DLGAP2: variants seen among roughly 807,000 people sequenced by gnomAD.
The protein encoded by DLGAP2 is DLG associated protein 2, also known as disks large-associated protein 2.
Under a neutral mutation model 100.3 loss-of-function variants are expected in DLGAP2, and 26 were observed. The observed-to-expected ratio is 0.26, with a 90% CI of 0.19 to 0.36. The LOEUF (loss-of-function observed/expected upper bound fraction) is 0.36. DLGAP2 is among the 10% of genes least tolerant of loss of function. The probability of loss-of-function intolerance (pLI) is 1.00; values close to 1 mark genes in which losing one functional copy is unlikely to be tolerated. For missense variants in DLGAP2, 1,858 were observed against 1,453.2 expected (o/e 1.28, Z -4.53); for synonymous variants, 886 against 630.1 (o/e 1.41, Z -6.08).
chr8:1,410,512 C>A (rs1166429942), intron 3 of DLGAP2, among the ~76,000 whole-genome samples: 1 of 152,232 alleles, frequency 6.6e-6, no homozygotes, highest in African/African-American at 2.4e-5. Flanking sequence ...AGGCTTCCTG[C>A]AGGGGTCCAT....
chr8:1,181,714 G>A (rs17065737), intron 2 of DLGAP2, among the ~76,000 whole-genome samples: 11,983 of 152,144 alleles, frequency 0.079, 1,395 homozygotes, highest in African/African-American at 0.25. Context: ...CAAACGATGG[G>A]AAGAATGTAA....
chr8:1,162,047 C>G, intron 2 of DLGAP2, among the ~76,000 whole-genome samples: 1 of 152,122 alleles, frequency 6.6e-6, no homozygotes, highest in Middle Eastern at 3.4e-3. Context: ...GAGGGGAGCC[C>G]GGAGCCTGCG....
intron 1 of DLGAP2, among the ~76,000 whole-genome samples, chr8:770,873 C>CT (rs33945325): frequency 0.17 from 25,256 of 147,814 alleles, 2,201 homozygotes; most frequent in Non-Finnish European, 0.19. Context: ...AATTATGCCT[C>CT]TTTTTTTTTT....
intron 3 of DLGAP2, among the ~76,000 whole-genome samples, chr8:1,483,791 G>A (rs1287713530): frequency 6.6e-6 from 1 of 151,694 alleles, no homozygotes; most frequent in African/African-American, 2.4e-5. Context: ...GAGGCAGGCA[G>A]GGCTGCCAGG....
At chr8:1,451,608 T>A (rs572690011) in intron 3 of DLGAP2, among the ~76,000 whole-genome samples, 28 of 152,126 alleles carry the variant, frequency 1.8e-4, no homozygotes, top group African/African-American at 6.7e-4. Context: ...ACATGTCCCC[T>A]CCTGGCTTCC....
At chr8:1,530,754 C>T (rs1179351221) in intron 4 of DLGAP2, among the ~76,000 whole-genome samples, 2 of 152,188 alleles carry the variant, frequency 1.3e-5, no homozygotes, top group Admixed American at 6.5e-5. Context: ...TCAGCCAGTC[C>T]CTCCGTCTGG....
intron 6 of DLGAP2, among the ~76,000 whole-genome samples, chr8:1,624,668 A>C (rs1351997149): frequency 6.6e-6 from 1 of 151,970 alleles, no homozygotes; most frequent in Non-Finnish European, 1.5e-5. Context: ...GGGGATCCAC[A>C]GAGGAGGGGA....
chr8:960,849 C>T (rs1224347573), intron 2 of DLGAP2, among the ~76,000 whole-genome samples: 1 of 152,206 alleles, frequency 6.6e-6, no homozygotes, highest in Admixed American at 6.5e-5. Context: ...CCAAATGCTT[C>T]TTGACTTACG....
chr8:1,482,594 G>A (rs1437967403), intron 3 of DLGAP2, among the ~76,000 whole-genome samples: 2 of 152,246 alleles, frequency 1.3e-5, no homozygotes, highest in South Asian at 4.1e-4. Flanking sequence ...GCTCGCTCTC[G>A]TGGGCCACGG....
At chr8:1,486,754 A>G (rs1584947798) in intron 3 of DLGAP2, among the ~76,000 whole-genome samples, 1 of 152,232 alleles carries the variant, frequency 6.6e-6, no homozygotes. Flanking sequence ...GCTGAAGGCA[A>G]ATATACTGCC....
At chr8:1,299,875 C>T (rs1001762534) in intron 3 of DLGAP2, 8 of 152,186 alleles carry the variant, frequency 5.3e-5, no homozygotes, top group Non-Finnish European at 8.8e-5. Flanking sequence ...ACTCCCACAA[C>T]AAAACACCAT....
intron 2 of DLGAP2, among the ~76,000 whole-genome samples, chr8:1,251,819 C>T (rs948163885): frequency 7.9e-5 from 12 of 152,218 alleles, no homozygotes; most frequent in Admixed American, 5.9e-4. Context: ...CGCACTGTTG[C>T]ACGGCCATGT....
chr8:980,641 G>A (rs537645931), intron 2 of DLGAP2, among the ~76,000 whole-genome samples: 4 of 152,320 alleles, frequency 2.6e-5, no homozygotes, highest in East Asian at 1.9e-4. Context: ...AGGTGGGCAG[G>A]TAAGAGGAGG....
chr8:936,507 G>A (rs867967295), intron 2 of DLGAP2, among the ~76,000 whole-genome samples: 1 of 152,316 alleles, frequency 6.6e-6, no homozygotes, highest in Middle Eastern at 3.4e-3. Flanking sequence ...ACTAGAGCAG[G>A]ACGCATGGCT....
chr8:926,408 C>T (rs949618537), intron 2 of DLGAP2, among the ~76,000 whole-genome samples: 1 of 152,212 alleles, frequency 6.6e-6, no homozygotes, highest in Non-Finnish European at 1.5e-5. Flanking sequence ...CTGTGGCAGG[C>T]CCTGCCTCCA....
At chr8:814,857 A>G (rs1796434805) in intron 1 of DLGAP2, among the ~76,000 whole-genome samples, 1 of 150,834 alleles carries the variant, frequency 6.6e-6, no homozygotes, top group South Asian at 2.1e-4. Flanking sequence ...TCTCAAAAAA[A>G]AAAAAAAAAA....
intron 2 of DLGAP2, among the ~76,000 whole-genome samples, chr8:1,125,949 C>T (rs1467307053): frequency 6.6e-6 from 1 of 152,200 alleles, no homozygotes. Flanking sequence ...ATCCCTGGCG[C>T]CCCATCCGCC....
intron 2 of DLGAP2, among the ~76,000 whole-genome samples, chr8:975,396 A>T (rs1800136680): frequency 1.3e-5 from 2 of 152,226 alleles, no homozygotes; most frequent in Admixed American, 6.5e-5. Context: ...AATTCTATAA[A>T]ATTATTTAGC....
chr8:1,408,709 G>A (rs1462674401), intron 3 of DLGAP2, among the ~76,000 whole-genome samples: 1 of 152,216 alleles, frequency 6.6e-6, no homozygotes, highest in Non-Finnish European at 1.5e-5. Flanking sequence ...TCACAGGACA[G>A]TGCAGAGGGT....
Sources: allele counts gnomAD v4.1 joint callset (sites outside exome capture counted in the v4.1 genomes callset), GRCh38; gene constraint gnomAD v4.1.1; transcripts MANE v1.5; gene names NCBI Gene and HGNC (gene_info 2026-07-23, HGNC 2026-07-21).